The following ZNG1B variants were observed in gnomAD, a reference collection of about 807,000 sequenced individuals.
The protein encoded by ZNG1B is Zn regulated GTPase metalloprotein activator 1B.
At chr2:113,446,704 G>A in the ZNG1B span, among the ~76,000 whole-genome samples, 6 of 151,574 alleles carry the variant, frequency 4.0e-5, no homozygotes, top group South Asian at 2.1e-4. Flanking sequence ...CCGAGATCAC[G>A]CCACTGCACT....
chr2:113,489,233 G>A, the ZNG1B span, among the ~76,000 whole-genome samples: 3 of 150,330 alleles, frequency 2.0e-5, no homozygotes, highest in Admixed American at 1.3e-4. Flanking sequence ...ATTATCAGCC[G>A]AGAATTTTGT....
chr2:113,455,539 G>T, the ZNG1B span: 1 of 1,263,190 alleles, frequency 7.9e-7, no homozygotes, highest in Non-Finnish European at 1.0e-6. Flanking sequence ...GTAAAATGAT[G>T]TTTCTCAGCT....
the ZNG1B span, among the ~76,000 whole-genome samples, chr2:113,485,933 C>T: frequency 1.8e-4 from 27 of 151,290 alleles, no homozygotes; most frequent in Non-Finnish European, 2.7e-4. Context: ...TTAGTTTTCT[C>T]AATTATTGCC....
At chr2:113,477,586 C>G in the ZNG1B span, among the ~76,000 whole-genome samples, 2 of 152,200 alleles carry the variant, frequency 1.3e-5, no homozygotes, top group Admixed American at 1.3e-4. Context: ...CTGCCTTCTC[C>G]TGTGGGGAAT....
chr2:113,486,456 A>G, the ZNG1B span, among the ~76,000 whole-genome samples: 1 of 148,386 alleles, frequency 6.7e-6, no homozygotes, highest in Admixed American at 6.8e-5. Flanking sequence ...AGCAAAAATC[A>G]TTATAAAAAT....
chr2:113,462,608 A>G, the ZNG1B span: 35 of 1,189,766 alleles, frequency 2.9e-5, no homozygotes, highest in Non-Finnish European at 4.0e-5. Context: ...AGCTGCTTCA[A>G]GAACGTTAGG....
chr2:113,459,598 G>T, the ZNG1B span, among the ~76,000 whole-genome samples: 1 of 151,300 alleles, frequency 6.6e-6, no homozygotes, highest in Non-Finnish European at 1.5e-5. Context: ...GATGATGAGG[G>T]TGTTAGATTT....
the ZNG1B span, chr2:113,441,366 C>T: frequency 6.3e-7 from 1 of 1,585,078 alleles, no homozygotes; most frequent in Non-Finnish European, 8.6e-7. Context: ...GGGAAGACAA[C>T]ACTTCTGAAC....
the ZNG1B span, chr2:113,462,793 C>T: frequency 6.3e-6 from 3 of 475,566 alleles, no homozygotes; most frequent in Non-Finnish European, 1.1e-5. Context: ...TCTTCCCTAA[C>T]TTTACCCAGG....
At chr2:113,469,449 T>A in the ZNG1B span, 1 of 145,912 alleles carries the variant, frequency 6.9e-6, no homozygotes, top group East Asian at 2.1e-4. Context: ...AATATAAATA[T>A]GCTCAGTAAT....
chr2:113,464,946 T>G, the ZNG1B span, among the ~76,000 whole-genome samples: 4 of 152,170 alleles, frequency 2.6e-5, no homozygotes, highest in Middle Eastern at 0.01. Flanking sequence ...ATTTATTGTT[T>G]GAAGGAAAAT....
chr2:113,442,921 T>C, the ZNG1B span, among the ~76,000 whole-genome samples: 1 of 152,104 alleles, frequency 6.6e-6, no homozygotes, highest in East Asian at 1.9e-4. Flanking sequence ...AGTTTATTCT[T>C]TCTTAAGTAA....
chr2:113,462,478 T>C, the ZNG1B span: 378,200 of 1,594,282 alleles, frequency 0.24, 49,355 homozygotes, highest in East Asian at 0.51. Flanking sequence ...TGTAAAGAAA[T>C]TAAGAGCGAC....
At chr2:113,486,755 C>A in the ZNG1B span, among the ~76,000 whole-genome samples, 1 of 152,116 alleles carries the variant, frequency 6.6e-6, no homozygotes, top group Non-Finnish European at 1.5e-5. Flanking sequence ...GACCCCATCT[C>A]AAAAAAATTT....
chr2:113,484,578 T>G, the ZNG1B span, among the ~76,000 whole-genome samples: 1 of 152,386 alleles, frequency 6.6e-6, no homozygotes, highest in East Asian at 1.9e-4. Flanking sequence ...TTTGGTTTAT[T>G]TATTTGCATA....
the ZNG1B span, among the ~76,000 whole-genome samples, chr2:113,460,362 A>G: frequency 6.6e-6 from 1 of 152,344 alleles, no homozygotes; most frequent in East Asian, 1.9e-4. Context: ...GTAATCTTCT[A>G]TGTTTTTATG....
At chr2:113,484,453 T>C in the ZNG1B span, among the ~76,000 whole-genome samples, 1 of 150,416 alleles carries the variant, frequency 6.6e-6, no homozygotes, top group East Asian at 1.9e-4. Context: ...AAGGTGAGAG[T>C]GACCTTCCTG....
chr2:113,470,575 T>C, the ZNG1B span: 2 of 208,674 alleles, frequency 9.6e-6, no homozygotes, highest in East Asian at 1.5e-4. Context: ...CTAGAGTAAC[T>C]TAATATTTTG....
chr2:113,443,170 G>T, the ZNG1B span, among the ~76,000 whole-genome samples: 1 of 151,998 alleles, frequency 6.6e-6, no homozygotes, highest in Non-Finnish European at 1.5e-5. Context: ...AGGTTTCATT[G>T]TGTTAGCGAG....
Sources: gnomAD v4.1 joint callset for allele counts (sites outside exome capture counted in the v4.1 genomes callset) on GRCh38, gnomAD v4.1.1 for gene constraint, MANE v1.5 for transcripts, NCBI Gene and HGNC (gene_info 2026-07-23, HGNC 2026-07-21) for gene names.